Variants in ATM observed in about 807,000 individuals in gnomAD.
ATM encodes the protein serine-protein kinase ATM.
Under a neutral mutation model 387.0 loss-of-function variants are expected in ATM, and 308 were observed. The observed-to-expected ratio is 0.80, with a 90% confidence interval of 0.73 to 0.87. The LOEUF is 0.87. ATM is among the 40% of genes least tolerant of loss of function. The pLI is 0.00. For synonymous variants in ATM, 1,156 were observed against 1,187.3 expected (o/e 0.97, Z 0.54); for missense variants, 3,312 against 3,560.9 (o/e 0.93, Z 1.78).
At chr11:108,335,815 C>T (rs2136688930) in intron 55 of ATM, 30 bp from the exon 56 acceptor site, 1 of 1,540,388 alleles carries the variant, frequency 6.5e-7, no homozygotes, top group East Asian at 2.3e-5. Context: ...ATAAACTGTA[C>T]TTGTTTATTC....
At position 108,255,173 on chromosome 11, in the gene ATM, A is replaced by G. The variant is rs75562017; in HGVS notation, c.2125-1042A>G. Among the ~76,000 whole-genome samples, 409 of 152,308 alleles carry G rather than the reference A, an allele frequency of 2.7e-3. 3 individuals carry two copies. Among genetic ancestry groups the G allele is most frequent in the African/African-American group, 9.5e-3 (393 of 41,566 alleles). On this transcript the variant is annotated intron_variant, in intron 13 of 62. Coordinates refer to ENST00000675843, the MANE Select transcript of ATM (RefSeq NM_000051.4). ...GGTAAATGATTAAATAAAGCCTACA[A>G]TCCATTCAAAGGAGTGAATTCGGTA...
At chr11:108,362,356 G>T (rs2090869440) in intron 61 of ATM, among the ~76,000 whole-genome samples, 1 of 151,484 alleles carries the variant, frequency 6.6e-6, no homozygotes, top group Non-Finnish European at 1.5e-5. Context: ...TGGTGGGACT[G>T]TAAACTAGTT....
intron 61 of ATM, among the ~76,000 whole-genome samples, chr11:108,357,419 A>G (rs2090124644): frequency 6.6e-6 from 1 of 152,252 alleles, no homozygotes; most frequent in African/African-American, 2.4e-5. Flanking sequence ...GCAGCCGGGA[A>G]GCTCGAACTG....
At chr11:108,277,343 C>CT (rs1424124119) in intron 22 of ATM, among the ~76,000 whole-genome samples, 5 of 152,152 alleles carry the variant, frequency 3.3e-5, no homozygotes, top group Admixed American at 2.6e-4. Context: ...ACTTGGCTCC[C>CT]TGGCTTCAGC....
At chr11:108,275,842 TG>T (rs1386179329) in intron 22 of ATM, among the ~76,000 whole-genome samples, 2 of 152,164 alleles carry the variant, frequency 1.3e-5, no homozygotes, top group African/African-American at 4.8e-5. Flanking sequence ...TTATGTGTCT[TG>T]GGGTTGCTCT....
chr11:108,323,269 A>T (rs1253443072), intron 45 of ATM, among the ~76,000 whole-genome samples: 2 of 152,202 alleles, frequency 1.3e-5, no homozygotes, highest in Non-Finnish European at 2.9e-5. Context: ...TTCATTCATA[A>T]GTACATTGGC....
rs587782080 is a variant in ATM at position 108,244,964 on chromosome 11, T to C, written c.839T>C (p.Ile280Thr). ...RLNDSLKEVI[I>T]ELFQLQIYIH... ...AATGATTCTTTAAAAGAAGTCATTATTGAATTATTTCAACTGCAAATTTAT... is the reference window on the plus strand; with the variant it reads ...AATGATTCTTTAAAAGAAGTCATTACTGAATTATTTCAACTGCAAATTTAT... Residue 280 changes from isoleucine (I) to threonine (T), a missense_variant, in exon 7 of 63, where the codon ATT becomes ACT. Physicochemically the swap from Ile to Thr is moderately conservative, Grantham distance 89. Transcript: ENST00000675843. The C allele has an allele frequency of 6.2e-7, 1 of 1,613,022 alleles. No individual in the cohort carries two copies. The highest frequency in any genetic ancestry group is 1.3e-5 in the African/African-American group (1 of 74,924).
intron 14 of ATM, 27 bp downstream of exon 14, chr11:108,256,367 T>G: frequency 6.3e-7 from 1 of 1,596,904 alleles, no homozygotes; most frequent in African/African-American, 1.3e-5. Flanking sequence ...TAATAAAGTT[T>G]CGGATAAATT....
At chr11:108,325,045 A>G (rs1028241762) in intron 45 of ATM, among the ~76,000 whole-genome samples, 26 of 152,106 alleles carry the variant, frequency 1.7e-4, no homozygotes, top group African/African-American at 6.0e-4. Context: ...GCTTTTTGTA[A>G]TGTCAGAGTA....
intron 34 of ATM, among the ~76,000 whole-genome samples, chr11:108,300,438 T>G (rs1283850016): frequency 6.6e-6 from 1 of 152,194 alleles, no homozygotes; most frequent in African/African-American, 2.4e-5. Flanking sequence ...TCTCTCTTAT[T>G]TATTTGTTGA....
At chr11:108,259,316 C>T (rs1430860170) in intron 16 of ATM, among the ~76,000 whole-genome samples, 1 of 151,962 alleles carries the variant, frequency 6.6e-6, no homozygotes, top group Non-Finnish European at 1.5e-5. Flanking sequence ...GGTGAAACCC[C>T]GTCTCTACTA....
intron 5 of ATM, 117 bp downstream of exon 5, chr11:108,235,951 CT>C (rs2079256492): frequency 1.7e-6 from 2 of 1,151,496 alleles, no homozygotes; most frequent in African/African-American, 3.1e-5. Flanking sequence ...TTTAACAGTA[CT>C]TTAGTAAAAT....
chr11:108,282,630 A>G, intron 24 of ATM, 80 bp from the exon 25 acceptor site: 2 of 1,348,134 alleles, frequency 1.5e-6, no homozygotes, highest in South Asian at 1.2e-5. Context: ...TCTAGGTCCT[A>G]CTCTAAATAA....
chr11:108,335,604 A>AG (rs1245034699), intron 55 of ATM, among the ~76,000 whole-genome samples: 5 of 152,120 alleles, frequency 3.3e-5, no homozygotes, highest in Non-Finnish European at 4.4e-5. Context: ...ATGCCTTCCT[A>AG]GGGGGGACTT....
At chr11:108,227,361 T>A (rs2078791578) in intron 1 of ATM, 1 of 415,754 alleles carries the variant, frequency 2.4e-6, no homozygotes, top group Admixed American at 3.9e-5. Flanking sequence ...AAGGCAAACA[T>A]TTTTGTGTTA....
intron 61 of ATM, among the ~76,000 whole-genome samples, chr11:108,358,891 C>T (rs1023925979): frequency 7.3e-5 from 11 of 151,480 alleles, no homozygotes; most frequent in South Asian, 4.2e-4. Flanking sequence ...CATCAACTAA[C>T]GAACAAAATC....
intron 59 of ATM, among the ~76,000 whole-genome samples, chr11:108,350,134 C>A (rs776342024): frequency 6.6e-6 from 1 of 152,034 alleles, no homozygotes; most frequent in Non-Finnish European, 1.5e-5. Flanking sequence ...ATAAGACATG[C>A]CAAGCAGTTT....
At chr11:108,266,150 C>G (rs867199185) in intron 16 of ATM, among the ~76,000 whole-genome samples, 1 of 148,538 alleles carries the variant, frequency 6.7e-6, no homozygotes, top group African/African-American at 2.5e-5. Context: ...ACCCAAAGGA[C>G]TATAAATCAT....
intron 26 of ATM, among the ~76,000 whole-genome samples, chr11:108,286,162 T>C (rs2082478151): frequency 6.6e-6 from 1 of 151,478 alleles, no homozygotes; most frequent in African/African-American, 2.4e-5. Flanking sequence ...TGAAACCCCA[T>C]CTCTACTGGG....
Sources: allele counts gnomAD v4.1 joint callset (sites outside exome capture counted in the v4.1 genomes callset), GRCh38; gene constraint gnomAD v4.1.1; transcripts MANE v1.5; gene names NCBI Gene and HGNC (gene_info 2026-07-23, HGNC 2026-07-21).